AQP8: variants seen among roughly 807,000 people sequenced by gnomAD.
The protein encoded by AQP8 is aquaporin 8, also known as aquaporin-8.
A neutral mutation model predicts 26.1 loss-of-function variants in AQP8; 14 were observed. That is an observed-to-expected ratio of 0.54 (90% CI 0.35 to 0.84). The LOEUF (loss-of-function observed/expected upper bound fraction) is 0.84, where lower values mean the gene tolerates loss of function less well. Among genes scored for constraint, AQP8 ranks in the 40% least tolerant of loss-of-function variants. The pLI, the probability that AQP8 is intolerant of heterozygous loss-of-function variation, is 0.01. For missense variants in AQP8, 301 were observed against 340.5 expected, an observed-to-expected ratio of 0.88 and a Z score of 0.91; for synonymous variants, 131 against 150.7, an observed-to-expected ratio of 0.87 and a Z score of 0.96.
In AQP8 at chr16:25,219,536, T is replaced by A. The variant is rs1962530351; in HGVS notation, c.261-1921T>A. 1.3e-5 allele frequency among the ~76,000 whole-genome samples: 2 copies of A among 151,352 alleles called. 1 individual carries two copies. The highest frequency in any genetic ancestry group is 2.9e-5 in the Non-Finnish European group (2 of 67,860). Reference sequence around the variant, plus strand: ...TTGCTAATGAGTGTAAACCAGGAAATGTGTGGTTTTCGTCACCTGGCCCTC... The same window carrying A: ...TTGCTAATGAGTGTAAACCAGGAAAAGTGTGGTTTTCGTCACCTGGCCCTC... On this transcript the variant is annotated intron_variant, in intron 2 of 5. Coordinates refer to ENST00000219660, the MANE Select transcript of AQP8 (RefSeq NM_001169.3).
At position 25,224,414 on chromosome 16, in the gene AQP8, C is replaced by T. The variant is rs1962603965; in HGVS notation, c.440C>T (p.Thr147Ile). 2 of 1,614,122 alleles carry T rather than the reference C, an allele frequency of 1.2e-6. No homozygotes were observed. Among genetic ancestry groups the T allele is most frequent in the African/African-American group, 2.7e-5 (2 of 75,040 alleles). The change falls in exon 4 of 6, where the codon ACA becomes ATA. Residue 147 changes from threonine to isoleucine, a missense_variant. Transcript: ENST00000219660. ...FWNASGAAFV[T>I]VQEQGQVAGA... is the part of the protein sequence containing the mutation. The stretch of plus-strand genomic sequence containing the variant: ...AATGCATCTGGGGCGGCCTTTGTGA[C>T]AGTCCAGGAGCAGGGGCAGGTGGCA...
chr16:25,222,677 G>GT (rs534699767), intron 3 of AQP8, among the ~76,000 whole-genome samples: 187 of 151,848 alleles, frequency 1.2e-3, no homozygotes, highest in African/African-American at 4.4e-3. Flanking sequence ...TGGTGTGTGT[G>GT]TGGGGGGTGG....
intron 2 of AQP8, among the ~76,000 whole-genome samples, chr16:25,220,822 G>A (rs1030671932): frequency 6.6e-6 from 1 of 152,156 alleles, no homozygotes; most frequent in East Asian, 1.9e-4. Flanking sequence ...AGGCCGACGT[G>A]GGTGGATCGC....
In AQP8 at chr16:25,217,345, C is replaced by G; in HGVS notation, c.160C>G (p.Leu54Val). The change falls in exon 2 of 6, where the codon CTG (leucine) becomes GTG (valine). Residue 54 changes from leucine (L) to valine (V), a missense_variant. Leu to Val is a conservative substitution (Grantham distance 32). Coordinates refer to ENST00000219660, the MANE Select transcript of AQP8 (RefSeq NM_001169.3). Reference sequence around the variant, plus strand: ...TGCTCTCTTCATCTTCATCGGGTGCCTGTCGGTCATTGAGAATGGGACGGA... The same window carrying G: ...TGCTCTCTTCATCTTCATCGGGTGCGTGTCGGTCATTGAGAATGGGACGGA... The part of the protein sequence containing the change: ...GSALFIFIGC[L>V]SVIENGTDTG... 1 of 1,614,200 alleles carries G rather than the reference C, an allele frequency of 6.2e-7. No homozygotes were observed. Among genetic ancestry groups the G allele is most frequent in the Non-Finnish European group, 8.5e-7 (1 of 1,180,024 alleles).
intron 4 of AQP8, 79 bp from the exon 5 acceptor site, chr16:25,226,989 G>A (rs1962643286): frequency 1.2e-6 from 2 of 1,601,908 alleles, no homozygotes; most frequent in Admixed American, 1.7e-5. Flanking sequence ...GTGTGACTAG[G>A]CCTAGTTGGG....
chr16:25,217,106 G>A (rs1346146358), intron 1 of AQP8, 49 bp downstream of exon 1: 1 of 1,613,818 alleles, frequency 6.2e-7, no homozygotes, highest in Non-Finnish European at 8.5e-7. Flanking sequence ...GAGCAAGGGG[G>A]GCTGTGAATT....
intron 2 of AQP8, among the ~76,000 whole-genome samples, chr16:25,219,826 C>T (rs1010503582): frequency 6.6e-6 from 1 of 151,538 alleles, no homozygotes; most frequent in Admixed American, 6.6e-5. Context: ...CACCTGAGGT[C>T]AGGAGTTCGA....
At chr16:25,227,993 A>G (rs1191773793) in intron 5 of AQP8, among the ~76,000 whole-genome samples, 1 of 148,966 alleles carries the variant, frequency 6.7e-6, no homozygotes, top group Non-Finnish European at 1.5e-5. Flanking sequence ...GGACCCGGGC[A>G]TGTGGTTCAC....
intron 3 of AQP8, among the ~76,000 whole-genome samples, chr16:25,222,665 C>T (rs1962578285): frequency 6.7e-6 from 1 of 150,324 alleles, no homozygotes; most frequent in Admixed American, 6.6e-5. Context: ...GTGGGCCTTG[C>T]TTGGTGTGTG....
intron 2 of AQP8, among the ~76,000 whole-genome samples, chr16:25,218,072 G>C (rs1962511636): frequency 6.6e-6 from 1 of 152,220 alleles, no homozygotes; most frequent in South Asian, 2.1e-4. Context: ...TAGAGGGCCA[G>C]AAAGTGGCAG....
At chr16:25,224,606 T>C in intron 4 of AQP8, 30 bp downstream of exon 4, 1 of 1,594,682 alleles carries the variant, frequency 6.3e-7, no homozygotes, top group Non-Finnish European at 8.5e-7. Flanking sequence ...GGGGTGACCA[T>C]GCCCAGATCT....
rs563410745 is a variant in AQP8 at position 25,228,561 on chromosome 16, G to A, written c.*69G>A. On this transcript the variant is annotated 3_prime_UTR_variant, in exon 6 of 6. Transcript: ENST00000219660. ...CACCTGTCCCAGACTGAGGACAGGG[G>A]AGTTCCTGCATTTCCTGCCAGGGCA... 47 of 1,549,320 alleles carry A rather than the reference G, an allele frequency of 3.0e-5. No homozygotes were observed. The Admixed American group carries it at 6.2e-4, about 20-fold the overall frequency.
chr16:25,224,454 A>C lies in AQP8; in HGVS notation c.480A>C (p.Ala160=). ...EQGQVAGALV[A]EIILTTLLAL... ...GGCAGGTGGCAGGGGCGTTGGTGGC[A>C]GAGATCATCCTGACGACGCTGCTGG... Residue 160 remains alanine (A), a synonymous_variant, in exon 4 of 6, where the codon GCA becomes GCC. Coordinates refer to ENST00000219660, the MANE Select transcript of AQP8 (RefSeq NM_001169.3). 6.2e-7 allele frequency: 1 copy of C among 1,614,184 alleles called. No homozygotes were observed. The highest frequency in any genetic ancestry group is 8.5e-7 in the Non-Finnish European group (1 of 1,180,028).
intron 3 of AQP8, among the ~76,000 whole-genome samples, chr16:25,222,454 G>A (rs1271549877): frequency 1.3e-5 from 2 of 152,016 alleles, no homozygotes; most frequent in African/African-American, 4.8e-5. Flanking sequence ...TGATCTTCCT[G>A]CCTTGGCCTC....
chr16:25,220,075 C>T (rs1230093630), intron 2 of AQP8, among the ~76,000 whole-genome samples: 6 of 151,624 alleles, frequency 4.0e-5, no homozygotes, highest in East Asian at 1.9e-4. Context: ...CAAATCAAAC[C>T]GTGCATGGAG....
At position 25,217,347 on chromosome 16, in the gene AQP8, G is replaced by T; in HGVS notation, c.162G>T (p.Leu54=). The T allele has an allele frequency of 6.2e-7, 1 of 1,614,172 alleles. No homozygotes were observed. Among genetic ancestry groups the T allele is most frequent in the Non-Finnish European group, 8.5e-7 (1 of 1,180,004 alleles). The change falls in exon 2 of 6, where the codon CTG becomes CTT. Residue 54 remains leucine, a synonymous_variant. Coordinates refer to ENST00000219660, the MANE Select transcript of AQP8 (RefSeq NM_001169.3). The stretch of plus-strand genomic sequence containing the variant: ...CTCTCTTCATCTTCATCGGGTGCCT[G>T]TCGGTCATTGAGAATGGGACGGACA... ...GSALFIFIGC[L]SVIENGTDTG... is the part of the protein sequence containing the mutation.
chr16:25,227,252 C>A (rs1962648596), intron 5 of AQP8, 50 bp downstream of exon 5: 1 of 1,611,508 alleles, frequency 6.2e-7, no homozygotes, highest in Non-Finnish European at 8.5e-7. Context: ...CACTTGGCAA[C>A]ATCTCCCAGA....
intron 4 of AQP8, among the ~76,000 whole-genome samples, chr16:25,226,346 C>A (rs1025752837): frequency 3.3e-5 from 5 of 152,188 alleles, no homozygotes; most frequent in Admixed American, 2.6e-4. Context: ...CAACTTCCAA[C>A]CCCCAGGTTC....
At position 25,224,624 on chromosome 16, in the gene AQP8, T is replaced by C. The variant is rs773342793; in HGVS notation, c.602+48T>C. Reference sequence around the variant, plus strand: ...GTGACCATGCCCAGATCTGTGCTGTTCAGCTCTGGGGGATTTCAGGCCTGA... The same window carrying C: ...GTGACCATGCCCAGATCTGTGCTGTCCAGCTCTGGGGGATTTCAGGCCTGA... On this transcript the variant is annotated intron_variant, in intron 4 of 5. Transcript: ENST00000219660. 7.0e-6 allele frequency: 11 copies of C among 1,567,344 alleles called. No homozygotes were observed. The Admixed American group carries it at 1.9e-4, about 28-fold the overall frequency.
Sources: gnomAD v4.1 joint callset for allele counts (sites outside exome capture counted in the v4.1 genomes callset) on GRCh38, gnomAD v4.1.1 for gene constraint, MANE v1.5 for transcripts, NCBI Gene and HGNC (gene_info 2026-07-23, HGNC 2026-07-21) for gene names.